DENND2B: variants seen among roughly 807,000 people sequenced by gnomAD.
The protein encoded by DENND2B is DENN domain containing 2B.
DENND2B carries 32 observed loss-of-function variants against 116.0 expected under a neutral mutation model. That is an observed-to-expected ratio of 0.28 (90% CI 0.21 to 0.37). The LOEUF (loss-of-function observed/expected upper bound fraction) is 0.37. Among genes scored for constraint, DENND2B ranks in the 10% least tolerant of loss-of-function variants. The pLI, the probability that DENND2B is intolerant of heterozygous loss-of-function variation, is 1.00. For synonymous variants in DENND2B, 588 were observed against 583.9 expected (o/e 1.01, Z -0.10); for missense variants, 1,276 against 1,477.7 (o/e 0.86, Z 2.24).
chr11:8,837,649 T>G (rs576185307), intron 4 of DENND2B, among the ~76,000 whole-genome samples: 105 of 152,242 alleles, frequency 6.9e-4, no homozygotes, highest in African/African-American at 2.4e-3. Context: ...TCCAGCCGTT[T>G]CCCTTTATTT....
At chr11:8,874,537 A>T (rs1302002034), upstream of DENND2B, among the ~76,000 whole-genome samples, 1 of 152,116 alleles carries the variant, frequency 6.6e-6, no homozygotes, top group South Asian at 2.1e-4. Flanking sequence ...AAGATTTTCT[A>T]GGAAGATTTT....
At chr11:8,710,793 A>C (rs966883451) in intron 11 of DENND2B, 52 bp downstream of exon 11, 413 of 1,323,064 alleles carry the variant, frequency 3.1e-4, no homozygotes, top group Non-Finnish European at 3.9e-4. Context: ...ACACACACAC[A>C]CCCTGGCCTA....
chr11:8,845,232 T>G (rs1326339083), intron 3 of DENND2B: 1 of 152,204 alleles, frequency 6.6e-6, no homozygotes, highest in Non-Finnish European at 1.5e-5. Context: ...CAAGAAACCT[T>G]GTTCACATAA....
At chr11:8,774,863 G>T (rs768118617) in intron 1 of DENND2B, among the ~76,000 whole-genome samples, 13 of 137,894 alleles carry the variant, frequency 9.4e-5, no homozygotes, top group African/African-American at 3.5e-4. Flanking sequence ...TATTTTTTTC[G>T]TTTTTTTTTT....
chr11:8,861,980 G>A (rs951993048), intron 2 of DENND2B, among the ~76,000 whole-genome samples: 13 of 151,932 alleles, frequency 8.6e-5, no homozygotes, highest in Non-Finnish European at 2.9e-5. Flanking sequence ...CTAAGCTATG[G>A]GTATGCAAAG....
rs56051922 is a variant in DENND2B, at chr11:8,880,345, CTGTGTGTG to C, written c.-156+657_-156+664del. ...ATGCACTGGAAGCTGTCACTTTGAA[CTGTGTGTG>C]TGTGTGTGTGTGTGTGTGTGTGTGT... On this transcript the variant is annotated intron_variant, in intron 2 of 22. Coordinates refer to the DENND2B transcript ENST00000534127. Among the ~76,000 whole-genome samples, 379 of 120,650 alleles carry C rather than the reference CTGTGTGTG, an allele frequency of 3.1e-3. 3 individuals carry two copies. Among genetic ancestry groups the C allele is most frequent in the African/African-American group, 0.01 (365 of 35,188 alleles). 79.2% of individuals were successfully genotyped at this position (120,650 alleles called of 152,430 possible).
intron 4 of DENND2B, among the ~76,000 whole-genome samples, chr11:8,822,835 G>A (rs181553328): frequency 1.3e-5 from 2 of 152,226 alleles, no homozygotes; most frequent in East Asian, 3.9e-4. Flanking sequence ...AGGCTGTAAT[G>A]CAGTACTTTC....
At chr11:8,861,777 C>G (rs1354618279) in intron 2 of DENND2B, among the ~76,000 whole-genome samples, 1 of 152,110 alleles carries the variant, frequency 6.6e-6, no homozygotes, top group Non-Finnish European at 1.5e-5. Flanking sequence ...ACGGAACCAA[C>G]CTAAGTGCCC....
At chr11:8,891,190 T>C (rs2064027733) in intron 1 of DENND2B, among the ~76,000 whole-genome samples, 1 of 152,158 alleles carries the variant, frequency 6.6e-6, no homozygotes, top group South Asian at 2.1e-4. Flanking sequence ...AAGCAAATGC[T>C]AAGACATTTT....
rs527862320 is a variant in DENND2B at position 8,695,679 on chromosome 11, C to T, written c.3293-130G>A. On this transcript the variant is annotated intron_variant, in intron 18 of 19. Transcript: ENST00000313726. ...AGAAAACATCTGGGATGATAATTTGCAGGAGCATCTTACTAGAATTCGGGC... is the reference window on the plus strand; with the variant it reads ...AGAAAACATCTGGGATGATAATTTGTAGGAGCATCTTACTAGAATTCGGGC... 2.2e-4 allele frequency: 171 copies of T among 774,772 alleles called. 2 individuals are homozygous for T. The South Asian group carries it at 2.7e-3, about 12-fold the overall frequency. The allele number at this position is 774,772 out of a possible 1,614,324, so 48.0% of individuals were successfully genotyped here. A position where few individuals can be genotyped will look rare whatever the true frequency, so the allele number is the denominator to read the frequency against.
chr11:8,784,713 C>T (rs950193802), intron 1 of DENND2B, among the ~76,000 whole-genome samples: 3 of 152,072 alleles, frequency 2.0e-5, no homozygotes, highest in African/African-American at 7.2e-5. Context: ...TGGCGCACGC[C>T]TGTAATCCCA....
At chr11:8,821,992 A>C (rs1312487608) in intron 4 of DENND2B, among the ~76,000 whole-genome samples, 3 of 152,134 alleles carry the variant, frequency 2.0e-5, no homozygotes, top group African/African-American at 7.2e-5. Flanking sequence ...GGGTTTTGCC[A>C]TGTTGCCCAG....
chr11:8,858,326 C>T (rs1195127794), intron 2 of DENND2B, among the ~76,000 whole-genome samples: 2 of 152,010 alleles, frequency 1.3e-5, no homozygotes, highest in East Asian at 3.9e-4. Context: ...TTTGGGAAAG[C>T]AGACAGGAAA....
At chr11:8,708,067 C>T (rs2042932385) in intron 11 of DENND2B, 2 of 1,480,106 alleles carry the variant, frequency 1.4e-6, no homozygotes, top group African/African-American at 1.4e-5. Context: ...TCTCCCAGCA[C>T]CAGGTACCAG....
At chr11:8,781,500 G>T (rs2134257534) in intron 1 of DENND2B, among the ~76,000 whole-genome samples, 1 of 152,204 alleles carries the variant, frequency 6.6e-6, no homozygotes, top group East Asian at 1.9e-4. Flanking sequence ...TATTACACTG[G>T]GCAAGATGAT....
At position 8,774,236 on chromosome 11, in the gene DENND2B, C is replaced by G. The variant is rs144582416; in HGVS notation, c.-25-23511G>C. 1.2e-3 allele frequency: 1,137 copies of G among 985,464 alleles called. 14 individuals carry two copies. In the African/African-American group the frequency reaches 0.018, roughly 15 times the overall value. The allele number at this position is 985,464 out of a possible 1,614,324, so 61.0% of individuals were successfully genotyped here. On this transcript the variant is annotated intron_variant, in intron 1 of 19. Coordinates refer to ENST00000313726, the MANE Select transcript of DENND2B (RefSeq NM_213618.2). ...CCCTACCTCCACCCTTCAGCCCTAC[C>G]TGTCTTTATGACTAGCAGTCTCTTC...
intron 4 of DENND2B, among the ~76,000 whole-genome samples, chr11:8,723,461 G>C (rs56980703): frequency 0.01 from 1,573 of 152,274 alleles, 44 homozygotes; most frequent in African/African-American, 0.037. Context: ...TGTTCCCCAG[G>C]CCTTCTTAGG....
At chr11:8,719,050 G>A (rs959242145) in intron 4 of DENND2B, 54 of 985,470 alleles carry the variant, frequency 5.5e-5, no homozygotes, top group African/African-American at 1.9e-4. Flanking sequence ...ATTGAGCCTG[G>A]GTGCCACTGA....
intron 4 of DENND2B, among the ~76,000 whole-genome samples, chr11:8,719,572 T>C (rs959459653): frequency 6.6e-6 from 1 of 152,208 alleles, no homozygotes; most frequent in Admixed American, 6.5e-5. Context: ...CCAGCAGCCC[T>C]GTCGCAAGAA....
Sources: gnomAD v4.1 joint callset for allele counts (sites outside exome capture counted in the v4.1 genomes callset) on GRCh38, gnomAD v4.1.1 for gene constraint, MANE v1.5 for transcripts, NCBI Gene and HGNC (gene_info 2026-07-23, HGNC 2026-07-21) for gene names.